Variants in SUCLG2 observed in about 807,000 individuals in gnomAD.
SUCLG2 encodes the protein succinate-CoA ligase GDP-forming subunit beta.
SUCLG2 carries 42 observed loss-of-function variants against 47.9 expected under a neutral mutation model. The observed-to-expected ratio is 0.88, with a 90% CI of 0.69 to 1.14. The LOEUF (loss-of-function observed/expected upper bound fraction) is 1.14, where lower values mean the gene tolerates loss of function less well. Among genes scored for constraint, SUCLG2 ranks in the 50% most tolerant of loss-of-function variants. SUCLG2 has a pLI of 0.00. For missense variants in SUCLG2, 571 were observed against 525.9 expected (o/e 1.09, Z -0.84); for synonymous variants, 195 against 197.3 (o/e 0.99, Z 0.10).
chr3:67,368,699 G>A (rs1701908407), intron 10 of SUCLG2, among the ~76,000 whole-genome samples: 1 of 152,034 alleles, frequency 6.6e-6, no homozygotes, highest in Non-Finnish European at 1.5e-5. Flanking sequence ...TCCACCTCCT[G>A]GGTTCAAGTG....
At chr3:67,463,219 T>G (rs1306772021) in intron 9 of SUCLG2, among the ~76,000 whole-genome samples, 1 of 152,198 alleles carries the variant, frequency 6.6e-6, no homozygotes, top group Non-Finnish European at 1.5e-5. Flanking sequence ...ATTTTCTGGA[T>G]TTTAAAACAG....
chr3:67,362,723 G>T (rs982860551), intron 10 of SUCLG2, among the ~76,000 whole-genome samples: 3 of 152,186 alleles, frequency 2.0e-5, no homozygotes, highest in Non-Finnish European at 4.4e-5. Flanking sequence ...TTTTGTGTGT[G>T]ATGACTGATG....
intron 1 of SUCLG2, among the ~76,000 whole-genome samples, chr3:67,636,064 A>G (rs1268999000): frequency 6.6e-6 from 1 of 152,154 alleles, no homozygotes; most frequent in Non-Finnish European, 1.5e-5. Context: ...TCTATTCCAC[A>G]TAGCCAGGGA....
intron 2 of SUCLG2, among the ~76,000 whole-genome samples, chr3:67,593,689 G>A (rs982626598): frequency 1.3e-5 from 2 of 152,178 alleles, no homozygotes; most frequent in Admixed American, 6.5e-5. Context: ...ACTCATCCTG[G>A]TTTGCCTTAG....
intron 6 of SUCLG2, among the ~76,000 whole-genome samples, chr3:67,515,679 T>C (rs1178137086): frequency 6.6e-6 from 1 of 152,130 alleles, no homozygotes; most frequent in Non-Finnish European, 1.5e-5. Flanking sequence ...TACTATTTCC[T>C]TAGGAAAAGA....
rs567545911 is a variant in SUCLG2, at chr3:67,571,323, C to T, written c.226+38132G>A. Among the ~76,000 whole-genome samples the T allele has an allele frequency of 3.3e-5, 5 of 152,258 alleles. No homozygotes were observed. In the South Asian group the frequency reaches 8.3e-4, roughly 25 times the overall value. On this transcript the variant is annotated intron_variant, in intron 2 of 10. Coordinates refer to ENST00000307227, the MANE Select transcript of SUCLG2 (RefSeq NM_003848.4). ...CCTACAATGCACAGGACAGCCCTCACAGCAAAGAATTATCTGACCTAAAAT... is the reference window on the plus strand; with the variant it reads ...CCTACAATGCACAGGACAGCCCTCATAGCAAAGAATTATCTGACCTAAAAT...
At chr3:67,369,684 G>C (rs1201225716) in intron 10 of SUCLG2, among the ~76,000 whole-genome samples, 1 of 152,202 alleles carries the variant, frequency 6.6e-6, no homozygotes, top group Admixed American at 6.5e-5. Flanking sequence ...TACCTAGTTG[G>C]AGGCGTATGC....
intron 9 of SUCLG2, among the ~76,000 whole-genome samples, chr3:67,481,052 C>T (rs1704901428): frequency 6.6e-6 from 1 of 152,086 alleles, no homozygotes; most frequent in Non-Finnish European, 1.5e-5. Context: ...ATCATCTACA[C>T]TCATAGAGTG....
chr3:67,619,717 A>G (rs1372954701), intron 1 of SUCLG2, among the ~76,000 whole-genome samples: 1 of 152,226 alleles, frequency 6.6e-6, no homozygotes, highest in African/African-American at 2.4e-5. Context: ...AAGAAATGTA[A>G]AACACTTTGT....
chr3:67,448,790 AT>A (rs1703987767), intron 9 of SUCLG2, among the ~76,000 whole-genome samples: 1 of 152,244 alleles, frequency 6.6e-6, no homozygotes. Context: ...TTTAAACTGC[AT>A]GAAAAAACAC....
At chr3:67,517,743 T>C (rs1015517414) in intron 6 of SUCLG2, among the ~76,000 whole-genome samples, 6 of 152,248 alleles carry the variant, frequency 3.9e-5, no homozygotes, top group African/African-American at 1.4e-4. Context: ...GCCCATTAGC[T>C]ATGAAAGAAT....
At chr3:67,461,154 C>A (rs1006851935) in intron 9 of SUCLG2, among the ~76,000 whole-genome samples, 9 of 152,098 alleles carry the variant, frequency 5.9e-5, no homozygotes, top group African/African-American at 1.9e-4. Context: ...AAGAAAATGC[C>A]TTTTAAAATT....
At chr3:67,602,772 G>A (rs1708447631) in intron 2 of SUCLG2, among the ~76,000 whole-genome samples, 1 of 152,108 alleles carries the variant, frequency 6.6e-6, no homozygotes, top group Non-Finnish European at 1.5e-5. Flanking sequence ...ATATTTATTC[G>A]TGAGCACCTA....
At chr3:67,367,891 T>C (rs986457898) in intron 10 of SUCLG2, among the ~76,000 whole-genome samples, 2 of 152,218 alleles carry the variant, frequency 1.3e-5, no homozygotes, top group East Asian at 1.9e-4. Context: ...ATTTTATATA[T>C]GGAATATATA....
chr3:67,653,900 G>A (rs1701332408), intron 1 of SUCLG2, among the ~76,000 whole-genome samples: 1 of 152,196 alleles, frequency 6.6e-6, no homozygotes, highest in South Asian at 2.1e-4. Context: ...ATGGTCTAAT[G>A]CGTTTTAGTG....
rs145485007 is a variant in SUCLG2 at position 67,558,941 on chromosome 3, T to A, written c.227-29755A>T. ...GTTAAAAAATAAAAAATGAAACATATCAAGACCCTATTCAAGATAAGCAGT... is the reference window on the plus strand; with the variant it reads ...GTTAAAAAATAAAAAATGAAACATAACAAGACCCTATTCAAGATAAGCAGT... On this transcript the variant is annotated intron_variant, in intron 2 of 10. Transcript: ENST00000307227. Among the ~76,000 whole-genome samples, 634 of 152,188 alleles carry A rather than the reference T, an allele frequency of 4.2e-3. 5 individuals carry two copies. Among genetic ancestry groups the A allele is most frequent in the Middle Eastern group, 0.01 (3 of 294 alleles).
chr3:67,648,991 A>G (rs1326185118), intron 1 of SUCLG2, among the ~76,000 whole-genome samples: 1 of 152,242 alleles, frequency 6.6e-6, no homozygotes, highest in Admixed American at 6.5e-5. Context: ...CAATGAACAA[A>G]TAACACTACC....
intron 10 of SUCLG2, among the ~76,000 whole-genome samples, chr3:67,392,776 C>A (rs1702419718): frequency 1.3e-5 from 2 of 151,512 alleles, no homozygotes; most frequent in Admixed American, 1.3e-4. Context: ...GGCATGTTAT[C>A]ATGGAATCAA....
chr3:67,496,414 T>C (rs1044848421), intron 8 of SUCLG2, among the ~76,000 whole-genome samples: 6 of 149,388 alleles, frequency 4.0e-5, no homozygotes, highest in Non-Finnish European at 5.9e-5. Context: ...GCTGAGAATA[T>C]GGTCCTTTGA....
Sources: gnomAD v4.1 joint callset for allele counts (sites outside exome capture counted in the v4.1 genomes callset) on GRCh38, gnomAD v4.1.1 for gene constraint, MANE v1.5 for transcripts, NCBI Gene and HGNC (gene_info 2026-07-23, HGNC 2026-07-21) for gene names.